The following ABCG8 variants were observed in gnomAD, a reference collection of about 807,000 sequenced individuals.
The protein encoded by ABCG8 is ATP binding cassette subfamily G member 8, also known as ATP-binding cassette sub-family G member 8.
Under a neutral mutation model 71.3 loss-of-function variants are expected in ABCG8, and 81 were observed. The observed-to-expected ratio is 1.14, with a 90% CI of 0.95 to 1.37. The LOEUF (loss-of-function observed/expected upper bound fraction) is 1.37. Among genes scored for constraint, ABCG8 ranks in the 40% most tolerant of loss-of-function variants. The probability of loss-of-function intolerance (pLI) is 0.00; values close to 1 mark genes in which losing one functional copy is unlikely to be tolerated. For missense variants in ABCG8, 1,119 were observed against 866.2 expected (o/e 1.29, Z -3.66); for synonymous variants, 451 against 354.7 (o/e 1.27, Z -3.05).
rs202030766 is a variant in ABCG8 at position 43,871,988 on chromosome 2, G to T, written c.977G>T (p.Ser326Ile). The change falls in exon 7 of 13, where the codon AGC becomes ATC. Residue 326 changes from serine to isoleucine, a missense_variant. Ser to Ile is a moderately radical substitution (Grantham distance 142). Coordinates refer to ENST00000272286, the MANE Select transcript of ABCG8 (RefSeq NM_022437.3). ...NPADFYVDLT[S>I]IDRRSREQEL... ...CCCCTGCTTGCAGTGGACCTGACCA[G>T]CATTGACAGGCGCAGCAGAGAGCAG... 2.8e-5 allele frequency: 45 copies of T among 1,613,952 alleles called. No individual in the cohort carries two copies. Among genetic ancestry groups the T allele is most frequent in the Admixed American group, 6.7e-5 (4 of 60,008 alleles).
chr2:43,844,251 G>C (rs79013185), intron 1 of ABCG8, among the ~76,000 whole-genome samples: 1,816 of 152,234 alleles, frequency 0.012, 39 homozygotes, highest in African/African-American at 0.041. Flanking sequence ...ACCAGCCTGA[G>C]GTTGAGGTTC....
rs200243054 is a variant in ABCG8 at position 43,880,166 on chromosome 2, A to ATTTTTTTTTTTTTTTTTTTTTTTTT, written c.*2259_*2260insTTTTTTTTTTTTTTTTTTTTTTTTT. On this transcript the variant is annotated 3_prime_UTR_variant, in exon 13 of 13. Transcript: ENST00000272286. ...TGAAACAACCAAGAGTTTCAGGCTC[A>ATTTTTTTTTTTTTTTTTTTTTTTTT]TTTTTTGTTTTGTTTTTTTTTTTTT... The ATTTTTTTTTTTTTTTTTTTTTTTTT allele has an allele frequency of 2.0e-5, 2 of 102,536 alleles. 1 individual carries two copies. Among genetic ancestry groups the ATTTTTTTTTTTTTTTTTTTTTTTTT allele is most frequent in the African/African-American group, 7.7e-5 (2 of 25,934 alleles). The allele number at this position is 102,536 out of a possible 1,614,324, so 6.4% of individuals were successfully genotyped here.
intron 9 of ABCG8, 126 bp downstream of exon 9, chr2:43,874,112 A>G (rs758135281): frequency 6.3e-5 from 68 of 1,084,380 alleles, no homozygotes; most frequent in Non-Finnish European, 9.1e-5. Flanking sequence ...AATGTTTTTA[A>G]AGTTTGCATG....
chr2:43,875,345 G>A lies in ABCG8; in HGVS notation c.1688G>A (p.Ser563Asn). 1 of 1,614,162 alleles carries A rather than the reference G, an allele frequency of 6.2e-7. No homozygotes were observed. The highest frequency in any genetic ancestry group is 8.5e-7 in the Non-Finnish European group (1 of 1,180,054). ...ACCTTCCACATGGCCTCCTTCTTCA[G>A]CAATGCCCTCTACAACTCCTTCTAC... is the stretch of plus-strand genomic sequence containing the variant. ...LPTFHMASFF[S>N]NALYNSFYLA... is the part of the protein sequence containing the mutation. Residue 563 changes from serine (S) to asparagine (N), a missense_variant, in exon 11 of 13, where the codon AGC becomes AAC. Physicochemically the swap from Ser to Asn is conservative, Grantham distance 46. Transcript: ENST00000272286.
intron 1 of ABCG8, among the ~76,000 whole-genome samples, chr2:43,841,906 TC>T (rs1287364054): frequency 6.6e-6 from 1 of 152,220 alleles, no homozygotes; most frequent in Non-Finnish European, 1.5e-5. Flanking sequence ...AGAAGTAATT[TC>T]TCAGCTCATT....
chr2:43,874,204 C>G (rs1489223399), intron 9 of ABCG8, among the ~76,000 whole-genome samples: 1 of 152,048 alleles, frequency 6.6e-6, no homozygotes, highest in African/African-American at 2.4e-5. Context: ...GACAGCAGAA[C>G]ACGAGCTACA....
At chr2:43,851,286 C>A (rs1668905461) in intron 3 of ABCG8, among the ~76,000 whole-genome samples, 2 of 152,250 alleles carry the variant, frequency 1.3e-5, no homozygotes, top group African/African-American at 4.8e-5. Context: ...CCTGTGGCAT[C>A]TAGGACTCTA....
At chr2:43,876,070 C>T (rs1180737290) in intron 11 of ABCG8, among the ~76,000 whole-genome samples, 2 of 152,190 alleles carry the variant, frequency 1.3e-5, no homozygotes, top group African/African-American at 4.8e-5. Flanking sequence ...ACCATGCCAC[C>T]TCCATAGGAT....
At chr2:43,855,749 T>C (rs1202395697) in intron 6 of ABCG8, among the ~76,000 whole-genome samples, 1 of 152,040 alleles carries the variant, frequency 6.6e-6, no homozygotes, top group Non-Finnish European at 1.5e-5. Flanking sequence ...TGGATAGAAC[T>C]CTCACCATCT....
intron 2 of ABCG8, 90 bp downstream of exon 2, chr2:43,844,698 G>A: frequency 2.1e-6 from 2 of 958,858 alleles, no homozygotes; most frequent in Non-Finnish European, 3.3e-6. Context: ...GGCCCAACTT[G>A]CAGGCCCTCT....
At chr2:43,863,797 G>A (rs1346679092) in intron 6 of ABCG8, among the ~76,000 whole-genome samples, 3 of 151,282 alleles carry the variant, frequency 2.0e-5, no homozygotes, top group African/African-American at 2.4e-5. Flanking sequence ...TCTGTGGATA[G>A]GACTCTCACT....
intron 1 of ABCG8, among the ~76,000 whole-genome samples, 187 bp from the exon 2 acceptor site, chr2:43,844,320 G>A (rs1668670932): frequency 6.6e-6 from 1 of 152,188 alleles, no homozygotes; most frequent in African/African-American, 2.4e-5. Context: ...GAGGAGATGG[G>A]CCCTTGTCAG....
At position 43,846,189 on chromosome 2, in the gene ABCG8, A is replaced by G. The variant is rs773233683; in HGVS notation, c.200A>G (p.Gln67Arg). The G allele has an allele frequency of 1.2e-6, 2 of 1,613,966 alleles. No individual in the cohort carries two copies. The highest frequency in any genetic ancestry group is 2.2e-5 in the East Asian group (1 of 44,882). The change falls in exon 3 of 13, where the codon CAG (glutamine) becomes CGG (arginine). Residue 67 changes from glutamine to arginine, a missense_variant. Transcript: ENST00000272286. ...DLASQVPWFE[Q>R]LAQFKMPWTS... ...GCCTCTCAGGTCCCTTGGTTTGAGC[A>G]GCTGGCTCAGTTCAAGATGCCCTGG...
chr2:43,872,819 G>T (rs1669827656), intron 8 of ABCG8, among the ~76,000 whole-genome samples: 1 of 152,204 alleles, frequency 6.6e-6, no homozygotes, highest in Non-Finnish European at 1.5e-5. Context: ...CCGGCTGGAA[G>T]ATCGTAGAAA....
chr2:43,873,716 C>A, intron 8 of ABCG8, 71 bp from the exon 9 acceptor site: 2 of 1,503,142 alleles, frequency 1.3e-6, no homozygotes, highest in South Asian at 1.1e-5. Flanking sequence ...CTTATGGAGA[C>A]TGTGACATTC....
chr2:43,842,778 C>CA (rs962151048), intron 1 of ABCG8, among the ~76,000 whole-genome samples: 3 of 121,834 alleles, frequency 2.5e-5, no homozygotes, highest in Non-Finnish European at 5.3e-5. Context: ...TTATCTTTCC[C>CA]ATTTTTTTCT....
chr2:43,874,462 T>C lies in ABCG8; in HGVS notation c.1467T>C (p.Thr489=), dbSNP rs969020118. ...AACTGGAAGACGGGCTGTACACCAC[T>C]GGTCCATATTTCTTTGCCAAGGTGA... is the stretch of plus-strand genomic sequence containing the variant. ...YYELEDGLYT[T]GPYFFAKILG... is the part of the protein sequence containing the mutation. The change falls in exon 10 of 13, where the codon ACT becomes ACC. Residue 489 remains threonine (T), a synonymous_variant. Coordinates refer to ENST00000272286, the MANE Select transcript of ABCG8 (RefSeq NM_022437.3). The C allele has an allele frequency of 6.2e-7, 1 of 1,613,908 alleles. No homozygotes were observed. The highest frequency in any genetic ancestry group is 8.5e-7 in the Non-Finnish European group (1 of 1,179,858).
At chr2:43,856,354 C>CTCCCTGTCTGG (rs1669106848) in intron 6 of ABCG8, among the ~76,000 whole-genome samples, 3 of 135,566 alleles carry the variant, frequency 2.2e-5, no homozygotes, top group African/African-American at 5.7e-5. Flanking sequence ...AGAACTCTCA[C>CTCCCTGTCTGG]ACCCTGTCTG....
At chr2:43,868,117 C>T (rs1236501743) in intron 6 of ABCG8, among the ~76,000 whole-genome samples, 5 of 147,618 alleles carry the variant, frequency 3.4e-5, no homozygotes, top group Non-Finnish European at 6.0e-5. Context: ...CTGCCTGGAT[C>T]GAATTCTCAT....
Sources: allele counts gnomAD v4.1 joint callset (sites outside exome capture counted in the v4.1 genomes callset), GRCh38; gene constraint gnomAD v4.1.1; transcripts MANE v1.5; gene names NCBI Gene and HGNC (gene_info 2026-07-23, HGNC 2026-07-21).